CAPN14: variants seen among roughly 807,000 people sequenced by gnomAD.
CAPN14 encodes calpain-14.
A neutral mutation model predicts 101.3 loss-of-function variants in CAPN14; 94 were observed. That is an observed-to-expected ratio of 0.93 (90% CI 0.79 to 1.10). The LOEUF (loss-of-function observed/expected upper bound fraction) is 1.10. CAPN14 is among the 50% of genes least tolerant of loss of function. The pLI is 0.00. For missense variants in CAPN14, 837 were observed against 828.4 expected (o/e 1.01, Z -0.13); for synonymous variants, 338 against 317.9 (o/e 1.06, Z -0.67).
intron 1 of CAPN14, among the ~76,000 whole-genome samples, chr2:31,229,571 G>A (rs1360876036): frequency 3.3e-5 from 5 of 151,302 alleles, no homozygotes; most frequent in African/African-American, 9.7e-5. Flanking sequence ...AGCTACTTGC[G>A]AGGCTGAGGC....
intron 8 of CAPN14, among the ~76,000 whole-genome samples, chr2:31,195,177 A>T (rs1175936288): frequency 6.6e-6 from 1 of 152,220 alleles, no homozygotes; most frequent in Non-Finnish European, 1.5e-5. Flanking sequence ...TACATGAAAA[A>T]AAGGAGTTCC....
intron 1 of CAPN14, among the ~76,000 whole-genome samples, chr2:31,212,312 C>CAAAAAAA (rs72155600): frequency 3.6e-5 from 4 of 110,446 alleles, no homozygotes; most frequent in African/African-American, 1.5e-4. Flanking sequence ...CGTCTCAAAA[C>CAAAAAAA]AAAAAAAAAA....
intron 7 of CAPN14, among the ~76,000 whole-genome samples, chr2:31,199,212 G>A (rs897026349): frequency 6.6e-6 from 1 of 152,208 alleles, no homozygotes; most frequent in Non-Finnish European, 1.5e-5. Context: ...GTTCAAGGAA[G>A]GGTTGTGAGG....
intron 1 of CAPN14, among the ~76,000 whole-genome samples, chr2:31,229,826 T>G (rs1308336398): frequency 6.6e-6 from 1 of 152,202 alleles, no homozygotes; most frequent in Admixed American, 6.5e-5. Flanking sequence ...TGTTTTATGT[T>G]CCTTTGCTTC....
At chr2:31,218,883 T>C (rs1036061797), upstream of CAPN14, among the ~76,000 whole-genome samples, 1 of 152,236 alleles carries the variant, frequency 6.6e-6, no homozygotes, top group East Asian at 1.9e-4. Flanking sequence ...CCCTGCCTCA[T>C]GTGCCAAATA....
chr2:31,210,629 G>C, intron 1 of CAPN14, among the ~76,000 whole-genome samples: 1 of 151,834 alleles, frequency 6.6e-6, no homozygotes, highest in East Asian at 1.9e-4. Context: ...AAAAATCAAG[G>C]GAAAGAAAGG....
At chr2:31,217,220 A>T (rs1682687024) in intron 1 of CAPN14, among the ~76,000 whole-genome samples, 1 of 152,074 alleles carries the variant, frequency 6.6e-6, no homozygotes, top group South Asian at 2.1e-4. Context: ...TTAAATGAGG[A>T]GATTGGGGCC....
At chr2:31,221,960 C>A (rs13408922), upstream of CAPN14, among the ~76,000 whole-genome samples, 24,327 of 152,142 alleles carry the variant, frequency 0.16, 2,607 homozygotes, top group African/African-American at 0.31. Flanking sequence ...CTCTGAAGCA[C>A]TGTGTCTAGC....
At chr2:31,202,344 C>T in intron 3 of CAPN14, 92 bp from the exon 4 acceptor site, 2 of 905,788 alleles carry the variant, frequency 2.2e-6, no homozygotes, top group Non-Finnish European at 3.5e-6. Flanking sequence ...CCTCTCTGGG[C>T]TTGTAGCCCA....
chr2:31,176,938 T>A (rs1050014119), intron 20 of CAPN14, 88 bp downstream of exon 20: 2 of 972,406 alleles, frequency 2.1e-6, no homozygotes, highest in African/African-American at 3.3e-5. Context: ...ATGGCGGCTG[T>A]CCTCCCTTGT....
intron 1 of CAPN14, among the ~76,000 whole-genome samples, chr2:31,207,068 G>C (rs1011324923): frequency 6.6e-6 from 1 of 152,216 alleles, no homozygotes; most frequent in Non-Finnish European, 1.5e-5. Context: ...TCAGCTCTCA[G>C]TGCTACAAAC....
chr2:31,232,289 C>T (rs1005066304), intron 1 of CAPN14, among the ~76,000 whole-genome samples: 1 of 152,190 alleles, frequency 6.6e-6, no homozygotes, highest in African/African-American at 2.4e-5. Context: ...GTGCCTCACC[C>T]TTATGTCCTC....
At chr2:31,175,356 A>G (rs1274073362) in intron 21 of CAPN14, among the ~76,000 whole-genome samples, 1 of 152,242 alleles carries the variant, frequency 6.6e-6, no homozygotes, top group Non-Finnish European at 1.5e-5. Flanking sequence ...GCTGAGGCCC[A>G]GAGATTTAAT....
intron 6 of CAPN14, among the ~76,000 whole-genome samples, 158 bp from the exon 7 acceptor site, chr2:31,199,690 C>T (rs575183564): frequency 6.6e-6 from 1 of 152,252 alleles, no homozygotes; most frequent in Non-Finnish European, 1.5e-5. Context: ...CTTTGGTATC[C>T]ATAGTCTCAT....
chr2:31,202,019 C>T (rs11692905), intron 4 of CAPN14, 21 bp from the exon 5 acceptor site: 769,004 of 1,550,440 alleles, frequency 0.5, 195,266 homozygotes, highest in East Asian at 0.63. Flanking sequence ...AGAGTGGCCC[C>T]GGGTGAATGA....
chr2:31,195,120 T>C (rs969768538), intron 8 of CAPN14, among the ~76,000 whole-genome samples: 16 of 151,868 alleles, frequency 1.1e-4, no homozygotes, highest in African/African-American at 3.4e-4. Flanking sequence ...TTTGGGGAGA[T>C]CCAGACAGCC....
At chr2:31,193,084 C>T (rs577021571) in intron 10 of CAPN14, 47 bp downstream of exon 10, 9 of 1,505,654 alleles carry the variant, frequency 6.0e-6, no homozygotes, top group Admixed American at 2.0e-5. Context: ...CTGACACCCC[C>T]GCCCACAACC....
chr2:31,199,030 A>G (rs11894727), intron 7 of CAPN14, among the ~76,000 whole-genome samples: 23,227 of 152,178 alleles, frequency 0.15, 2,124 homozygotes, highest in East Asian at 0.35. Context: ...CCTGACTGTA[A>G]GCCCTTTGTA....
At chr2:31,216,846 C>T (rs747021242) in intron 1 of CAPN14, among the ~76,000 whole-genome samples, 3 of 152,042 alleles carry the variant, frequency 2.0e-5, no homozygotes, top group Non-Finnish European at 2.9e-5. Context: ...AGGCAAGGGC[C>T]GTGCCAAGCA....
Sources: gnomAD v4.1 joint callset for allele counts (sites outside exome capture counted in the v4.1 genomes callset) on GRCh38, gnomAD v4.1.1 for gene constraint, MANE v1.5 for transcripts, NCBI Gene and HGNC (gene_info 2026-07-23, HGNC 2026-07-21) for gene names.